CCAR2: variants seen among roughly 807,000 people sequenced by gnomAD.
The protein encoded by CCAR2 is cell cycle and apoptosis regulator protein 2.
Under a neutral mutation model 108.1 loss-of-function variants are expected in CCAR2, and 21 were observed. The observed-to-expected ratio is 0.19, with a 90% CI of 0.14 to 0.28. The LOEUF is 0.28. Ranked by LOEUF, CCAR2 falls within the 10% of genes least tolerant of loss-of-function variation. CCAR2 has a pLI of 1.00. For synonymous variants in CCAR2, 577 were observed against 472.8 expected, an observed-to-expected ratio of 1.22 and a Z score of -2.86; for missense variants, 1,126 against 1,177.0, an observed-to-expected ratio of 0.96 and a Z score of 0.63.
rs201034717 is a variant in CCAR2 at position 22,614,096 on chromosome 8, A to G, written c.709A>G (p.Ile237Val). Residue 237 changes from isoleucine (I) to valine (V), a missense_variant, in exon 9 of 21, where the codon ATC becomes GTC. Transcript: ENST00000308511. ...TCCCTTGCTGTCTTCCTGTAGCCCC[A>G]TCTGTGACTTCCTAGAACTCCAGCG... ...HLTPYTVDSP[I>V]CDFLELQRRY... 2.2e-5 allele frequency: 36 copies of G among 1,613,356 alleles called. No individual in the cohort carries two copies. Among genetic ancestry groups the G allele is most frequent in the Non-Finnish European group, 3.1e-5 (36 of 1,179,928 alleles).
rs754726967 is a variant in CCAR2, at chr8:22,614,105, T to C, written c.718T>C (p.Phe240Leu). Residue 240 changes from phenylalanine (F) to leucine (L), a missense_variant, in exon 9 of 21, where the codon TTC (phenylalanine) becomes CTC (leucine). By Grantham distance (22) the Phe-to-Leu change is conservative (BLOSUM62 0). Coordinates refer to ENST00000308511, the MANE Select transcript of CCAR2 (RefSeq NM_001393997.1). ...PYTVDSPICD[F>L]LELQRRYRSL... ...GTCTTCCTGTAGCCCCATCTGTGAC[T>C]TCCTAGAACTCCAGCGCCGTTACCG... The C allele has an allele frequency of 1.2e-6, 2 of 1,613,920 alleles. No individual in the cohort carries two copies. The highest frequency in any genetic ancestry group is 3.3e-5 in the Admixed American group (2 of 60,028).
chr8:22,619,505 G>C, intron 20 of CCAR2, 133 bp from the exon 21 acceptor site: 3 of 1,403,718 alleles, frequency 2.1e-6, no homozygotes, highest in Non-Finnish European at 2.0e-6. Flanking sequence ...TGTGCCCCTG[G>C]TTGCAGGTTC....
At chr8:22,621,265 G>A (rs1315035074), downstream of CCAR2, 7 of 1,026,196 alleles carry the variant, frequency 6.8e-6, no homozygotes, top group Non-Finnish European at 9.7e-6. Flanking sequence ...TAGGGCTCCT[G>A]GTGCCAGGCT....
At chr8:22,605,913 A>G (rs1294969900) in intron 2 of CCAR2, 82 bp downstream of exon 2, 12 of 1,426,700 alleles carry the variant, frequency 8.4e-6, no homozygotes, top group Non-Finnish European at 9.8e-7. Context: ...GGTGGAGAGC[A>G]ATTTGCTGCT....
rs779087139 is a variant in CCAR2, at chr8:22,608,038, C to T, written c.557C>T (p.Pro186Leu). The T allele has an allele frequency of 6.2e-7, 1 of 1,613,996 alleles. No individual in the cohort carries two copies. Among genetic ancestry groups the T allele is most frequent in the Non-Finnish European group, 8.5e-7 (1 of 1,179,992 alleles). Reference sequence around the variant, plus strand: ...CTGAACAGATTTCCTGCCCGGGGCCCTCATGGACGGTTGGATCAGGGCCGA... The same window carrying T: ...CTGAACAGATTTCCTGCCCGGGGCCTTCATGGACGGTTGGATCAGGGCCGA... ...SHLNRFPARG[P>L]HGRLDQGRSD... The change falls in exon 7 of 21, where the codon CCT becomes CTT. Residue 186 changes from proline to leucine, a missense_variant. Physicochemically the swap from Pro to Leu is moderately conservative, Grantham distance 98. Transcript: ENST00000308511.
rs1288388649 is a variant in CCAR2 at position 22,615,020 on chromosome 8, C to G, written c.1205+19C>G. 2 of 1,539,176 alleles carry G rather than the reference C, an allele frequency of 1.3e-6. No homozygotes were observed. Among genetic ancestry groups the G allele is most frequent in the East Asian group, 2.4e-5 (1 of 41,464 alleles). ...CCAAGTGGTGAGTGGGCTTCCTGAG[C>G]CTCAGCTGCACCAACGCACCAGGTT... On this transcript the variant is annotated intron_variant, in intron 11 of 20. Transcript: ENST00000308511.
At chr8:22,613,968 G>A in intron 8 of CCAR2, 124 bp from the exon 9 acceptor site, 1 of 744,562 alleles carries the variant, frequency 1.3e-6, no homozygotes, top group Non-Finnish European at 2.2e-6. Flanking sequence ...TTCCTTGAGA[G>A]GTGCCTTACT....
In CCAR2 at chr8:22,604,816, C is replaced by T. The variant is rs200058989; in HGVS notation, c.-65C>T. On this transcript the variant is annotated 5_prime_UTR_variant, in exon 1 of 21. Transcript: ENST00000308511. Reference sequence around the variant, plus strand: ...GTGGTGGTTCCGGGTGTCTTTGTCCCCCCGGTGTCGCTGCCCTGGCCCGCA... The same window carrying T: ...GTGGTGGTTCCGGGTGTCTTTGTCCTCCCGGTGTCGCTGCCCTGGCCCGCA... 4.4e-5 allele frequency: 20 copies of T among 455,120 alleles called. No homozygotes were observed. The highest frequency in any genetic ancestry group is 6.2e-5 in the Non-Finnish European group (14 of 226,822). The allele number at this position is 455,120 out of a possible 1,614,324, so 28.2% of individuals were successfully genotyped here. A position where few individuals can be genotyped will look rare whatever the true frequency, so the allele number is the denominator to read the frequency against.
At position 22,615,447 on chromosome 8, in the gene CCAR2, T is replaced by C. The variant is rs200942511; in HGVS notation, c.1228T>C (p.Tyr410His). Residue 410 changes from tyrosine (Y) to histidine (H), a missense_variant, in exon 12 of 21, where the codon TAC becomes CAC. By Grantham distance (83) the Tyr-to-His change is moderately conservative. Coordinates refer to ENST00000308511, the MANE Select transcript of CCAR2 (RefSeq NM_001393997.1). ...TKWWRFAEFQYLQPGPPRRLQ... is the reference protein window; with the variant it reads ...TKWWRFAEFQHLQPGPPRRLQ... ...CAGGTGGCGCTTTGCCGAGTTTCAG[T>C]ACCTGCAGCCGGGACCCCCCCGGCG... 222 of 1,613,748 alleles carry C rather than the reference T, an allele frequency of 1.4e-4. 1 individual carries two copies. In the East Asian group the frequency reaches 4.9e-3, roughly 36 times the overall value.
At position 22,606,492 on chromosome 8, in the gene CCAR2, A is replaced by C. The variant is rs191115112; in HGVS notation, c.151-115A>C. The C allele has an allele frequency of 2.1e-4, 169 of 807,442 alleles. 2 individuals carry two copies. The East Asian group carries it at 4.4e-3, about 21-fold the overall frequency. The allele number at this position is 807,442 out of a possible 1,614,324, so 50.0% of individuals were successfully genotyped here. On this transcript the variant is annotated intron_variant, in intron 3 of 20. Coordinates refer to ENST00000308511, the MANE Select transcript of CCAR2 (RefSeq NM_001393997.1). Reference sequence around the variant, plus strand: ...CACACCTGTACTTCACTCTGTGCGAACTCTTGATGCAGTACGCTGAGCTGG... The same window carrying C: ...CACACCTGTACTTCACTCTGTGCGACCTCTTGATGCAGTACGCTGAGCTGG...
intron 14 of CCAR2, among the ~76,000 whole-genome samples, chr8:22,616,989 C>T (rs1247329578): frequency 7.4e-6 from 1 of 135,340 alleles, no homozygotes; most frequent in African/African-American, 2.7e-5. Flanking sequence ...TCAAACGATT[C>T]TCCTGCCTCA....
In CCAR2 at chr8:22,618,854, G is replaced by A; in HGVS notation, c.2360G>A (p.Gly787Glu). ...AACCTGGACCTGCTGCCCCCTCCTG[G>A]GAAAAGCACGAAGCCAGGTGCTGCC... ...FGNLDLLPPP[G>E]KSTKPGAAPT... is the part of the protein sequence containing the mutation. The change falls in exon 19 of 21, where the codon GGG becomes GAG. Residue 787 changes from glycine (G) to glutamate (E), a missense_variant. Gly to Glu is a moderately conservative substitution (Grantham distance 98). This residue lies in a region of CCAR2 where 1,013 missense variants were observed against 993.9 expected (regional missense o/e 1.02). Transcript: ENST00000308511. 2 of 1,613,904 alleles carry A rather than the reference G, an allele frequency of 1.2e-6. No individual in the cohort carries two copies. The highest frequency in any genetic ancestry group is 1.3e-5 in the African/African-American group (1 of 75,070).
chr8:22,605,639 G>C (rs1351962611), intron 1 of CCAR2, 97 bp from the exon 2 acceptor site: 2 of 713,050 alleles, frequency 2.8e-6, no homozygotes, highest in East Asian at 2.5e-5. Context: ...CCACCTCCCT[G>C]TTTTCCGAAA....
At chr8:22,610,491 C>G (rs1164936785) in intron 7 of CCAR2, among the ~76,000 whole-genome samples, 1 of 152,206 alleles carries the variant, frequency 6.6e-6, no homozygotes, top group Non-Finnish European at 1.5e-5. Flanking sequence ...AGTGGCCACA[C>G]AGTGTACAGC....
intron 10 of CCAR2, 104 bp downstream of exon 10, chr8:22,614,607 C>T (rs1244504069): frequency 2.6e-6 from 3 of 1,164,462 alleles, no homozygotes; most frequent in Non-Finnish European, 3.8e-6. Flanking sequence ...AACGAGGCAT[C>T]TCAGAGCCGA....
chr8:22,619,599 G>A (rs1207635582), intron 20 of CCAR2, 39 bp from the exon 21 acceptor site: 1 of 1,549,022 alleles, frequency 6.5e-7, no homozygotes, highest in African/African-American at 1.4e-5. Context: ...AGATCACCTT[G>A]CCAGGCCCGA....
chr8:22,616,047 C>G lies in CCAR2; in HGVS notation c.1644C>G (p.Leu548=). 1 of 1,614,022 alleles carries G rather than the reference C, an allele frequency of 6.2e-7. No individual in the cohort carries two copies. The change falls in exon 14 of 21, where the codon CTC becomes CTG. Residue 548 remains leucine, a synonymous_variant. Coordinates refer to ENST00000308511, the MANE Select transcript of CCAR2 (RefSeq NM_001393997.1). ...TGGCCGAGCTGTTTCTGGAGATGCT[C>G]CAGAGGGATTTTGGCTATAGAGTTT... The part of the protein sequence containing the change: ...MVLAELFLEM[L]QRDFGYRVYK...
Position 22,619,632 on chromosome 8 carries a change from A to G in CCAR2, c.2728-6A>G. On this transcript the variant is annotated splice_region_variant and splice_polypyrimidine_tract_variant and intron_variant, in intron 20 of 20. Coordinates refer to ENST00000308511, the MANE Select transcript of CCAR2 (RefSeq NM_001393997.1). ...CGATTCTGGGTACATCATCTGTTTC[A>G]AACAGGCTGACAGCTGGGTGGAGAA... 1.3e-6 allele frequency: 2 copies of G among 1,569,962 alleles called. No homozygotes were observed. Among genetic ancestry groups the G allele is most frequent in the South Asian group, 2.3e-5 (2 of 85,478 alleles).
intron 7 of CCAR2, among the ~76,000 whole-genome samples, chr8:22,608,966 C>T (rs997325213): frequency 9.2e-5 from 14 of 152,024 alleles, no homozygotes; most frequent in African/African-American, 2.2e-4. Context: ...AAAATTTTAA[C>T]GTGGAACTTA....
Sources: gnomAD v4.1 joint callset for allele counts (sites outside exome capture counted in the v4.1 genomes callset) on GRCh38, gnomAD v4.1.1 for gene constraint, gnomAD v4.1.1 regional missense constraint, MANE v1.5 for transcripts, NCBI Gene and HGNC (gene_info 2026-07-23, HGNC 2026-07-21) for gene names.